Variants in CSMD1 observed in about 807,000 individuals in gnomAD.
The protein encoded by CSMD1 is CUB and sushi domain-containing protein 1.
Under a neutral mutation model 417.5 loss-of-function variants are expected in CSMD1, and 213 were observed. The ratio of observed to expected loss-of-function variants is 0.51; its 90% CI spans 0.46 to 0.57. CSMD1 has a LOEUF of 0.57. Among genes scored for constraint, CSMD1 ranks in the 20% least tolerant of loss-of-function variants. The pLI is 0.00. For missense variants in CSMD1, 6,923 were observed against 4,529.7 expected (o/e 1.53, Z -15.17); for synonymous variants, 2,862 against 1,736.8 (o/e 1.65, Z -16.11).
intron 10 of CSMD1, among the ~76,000 whole-genome samples, chr8:3,536,464 C>A (rs980969592): frequency 6.6e-6 from 1 of 152,144 alleles, no homozygotes; most frequent in Admixed American, 6.5e-5. Context: ...TGAAGTTGGG[C>A]CAGGTTTCCT....
chr8:4,285,773 C>T (rs1291147978), intron 3 of CSMD1, among the ~76,000 whole-genome samples: 4 of 152,172 alleles, frequency 2.6e-5, no homozygotes, highest in African/African-American at 9.7e-5. Flanking sequence ...TTTGTTAAGA[C>T]ATGCAGGCTC....
intron 23 of CSMD1, among the ~76,000 whole-genome samples, chr8:3,316,721 C>A (rs1161824948): frequency 6.6e-6 from 1 of 151,998 alleles, no homozygotes; most frequent in East Asian, 1.9e-4. Context: ...GAAGGGAAGA[C>A]AGGAAAGGTC....
chr8:4,278,335 A>G (rs934176693), intron 3 of CSMD1, among the ~76,000 whole-genome samples: 6 of 152,194 alleles, frequency 3.9e-5, no homozygotes, highest in African/African-American at 1.4e-4. Flanking sequence ...CAAAATGGCT[A>G]ATATGTGACT....
chr8:4,457,544 A>G lies in CSMD1; in HGVS notation c.303-37479T>C, dbSNP rs868424961. On this transcript the variant is annotated intron_variant, in intron 2 of 69. Transcript: ENST00000635120. The stretch of plus-strand genomic sequence containing the variant: ...ATGTAATTAAGAAAATTTCAATTTT[A>G]TACTAGATGGGCCTGTTAATTTATT... 1.1e-4 allele frequency among the ~76,000 whole-genome samples: 16 copies of G among 152,300 alleles called. No individual in the cohort carries two copies. The Middle Eastern group carries it at 0.014, about 130-fold the overall frequency.
chr8:3,344,487 T>G (rs966939573), intron 22 of CSMD1, among the ~76,000 whole-genome samples: 1 of 152,162 alleles, frequency 6.6e-6, no homozygotes, highest in African/African-American at 2.4e-5. Context: ...AAAAAGTCAA[T>G]GCAGCAGTCC....
chr8:4,138,647 G>C lies in CSMD1; in HGVS notation c.416-106548C>G, dbSNP rs142022961. 9.9e-5 allele frequency among the ~76,000 whole-genome samples: 15 copies of C among 152,074 alleles called. No homozygotes were observed. The South Asian group carries it at 1.5e-3, about 15-fold the overall frequency. On this transcript the variant is annotated intron_variant, in intron 3 of 69. Transcript: ENST00000635120. ...AAAGGAAAAAACATCTCTTAAGGTTGACTTTTCAAAGTATTATTTCTATTT... is the reference window on the plus strand; with the variant it reads ...AAAGGAAAAAACATCTCTTAAGGTTCACTTTTCAAAGTATTATTTCTATTT...
rs1800314940 is a variant in CSMD1, at chr8:3,799,022, A to G, written c.819-44980T>C. Among the ~76,000 whole-genome samples the G allele has an allele frequency of 2.0e-5, 3 of 152,038 alleles. No homozygotes were observed. The South Asian group carries it at 6.2e-4, about 32-fold the overall frequency. On this transcript the variant is annotated intron_variant, in intron 5 of 69. Coordinates refer to ENST00000635120, the MANE Select transcript of CSMD1 (RefSeq NM_033225.6). The stretch of plus-strand genomic sequence containing the variant: ...TAAATGTAATATAATACTTTTTCAG[A>G]TCTGAAAAAGTTAACAATCTTTGTA...
At chr8:3,624,375 G>A (rs528983399) in intron 7 of CSMD1, among the ~76,000 whole-genome samples, 1 of 152,192 alleles carries the variant, frequency 6.6e-6, no homozygotes, top group East Asian at 1.9e-4. Flanking sequence ...CTCTATGTAA[G>A]GTGTCATTTT....
intron 1 of CSMD1, among the ~76,000 whole-genome samples, chr8:4,756,887 T>C (rs960781299): frequency 6.6e-6 from 1 of 152,212 alleles, no homozygotes; most frequent in Admixed American, 6.5e-5. Flanking sequence ...AAAGCAAACT[T>C]GGCAGTCCAA....
chr8:4,337,379 T>A (rs1800231554), intron 3 of CSMD1, among the ~76,000 whole-genome samples: 1 of 152,102 alleles, frequency 6.6e-6, no homozygotes, highest in Admixed American at 6.6e-5. Flanking sequence ...ATTTCTGCCC[T>A]TCTTCAGTAA....
At chr8:4,547,648 T>C (rs939675828) in intron 2 of CSMD1, among the ~76,000 whole-genome samples, 1 of 152,140 alleles carries the variant, frequency 6.6e-6, no homozygotes, top group African/African-American at 2.4e-5. Context: ...TTATACTCAA[T>C]GAATGTAAAA....
chr8:4,000,950 A>T (rs879854522), intron 4 of CSMD1, among the ~76,000 whole-genome samples: 1 of 152,108 alleles, frequency 6.6e-6, no homozygotes, highest in Non-Finnish European at 1.5e-5. Context: ...AAGATTAATG[A>T]CATATTAATT....
intron 5 of CSMD1, among the ~76,000 whole-genome samples, chr8:3,887,904 G>C (rs972288236): frequency 6.6e-6 from 1 of 152,176 alleles, no homozygotes; most frequent in Non-Finnish European, 1.5e-5. Flanking sequence ...TGAAAACTCA[G>C]TTGACATCAA....
chr8:4,248,531 G>A (rs1394418725), intron 3 of CSMD1, among the ~76,000 whole-genome samples: 2 of 152,122 alleles, frequency 1.3e-5, no homozygotes, highest in Admixed American at 6.5e-5. Context: ...GAGGATTTTA[G>A]GTTTTGCCAT....
intron 2 of CSMD1, among the ~76,000 whole-genome samples, chr8:4,477,912 T>C (rs1800889553): frequency 6.6e-6 from 1 of 152,238 alleles, no homozygotes; most frequent in South Asian, 2.1e-4. Flanking sequence ...ACCTGATACC[T>C]GATCAATTTT....
chr8:4,241,367 G>T (rs951743523), intron 3 of CSMD1, among the ~76,000 whole-genome samples: 6 of 152,174 alleles, frequency 3.9e-5, no homozygotes, highest in African/African-American at 1.4e-4. Context: ...TCGAGTAGCA[G>T]GTCCTCAGGG....
intron 5 of CSMD1, among the ~76,000 whole-genome samples, chr8:3,980,991 C>A (rs896343678): frequency 6.6e-6 from 1 of 152,176 alleles, no homozygotes; most frequent in Non-Finnish European, 1.5e-5. Flanking sequence ...CACCTTTGTA[C>A]CCACACCCAG....
At chr8:4,203,934 C>G (rs565979339) in intron 3 of CSMD1, among the ~76,000 whole-genome samples, 29 of 152,130 alleles carry the variant, frequency 1.9e-4, no homozygotes, top group African/African-American at 7.0e-4. Context: ...AACCTCATCT[C>G]TACAAAAAAT....
chr8:4,994,502 G>T lies in CSMD1; in HGVS notation c.-86C>A. The T allele has an allele frequency of 8.0e-7, 1 of 1,252,704 alleles. No individual in the cohort carries two copies. The highest frequency in any genetic ancestry group is 1.3e-5 in the South Asian group (1 of 78,508). The allele number at this position is 1,252,704 out of a possible 1,614,324, so 77.6% of individuals were successfully genotyped here. A position where few individuals can be genotyped will look rare whatever the true frequency, so the allele number is the denominator to read the frequency against. On this transcript the variant is annotated 5_prime_UTR_variant, in exon 1 of 70. Coordinates refer to ENST00000635120, the MANE Select transcript of CSMD1 (RefSeq NM_033225.6). ...GAGCGGAGCCAAATAATCACCCGAG[G>T]GCAAGGCGAGCCGGAGAGAGAGCCC...
Sources: gnomAD v4.1 joint callset for allele counts (sites outside exome capture counted in the v4.1 genomes callset) on GRCh38, gnomAD v4.1.1 for gene constraint, MANE v1.5 for transcripts, NCBI Gene and HGNC (gene_info 2026-07-23, HGNC 2026-07-21) for gene names.